SLC5A6: variants seen among roughly 807,000 people sequenced by gnomAD.
SLC5A6 encodes solute carrier family 5 member 6.
A neutral mutation model predicts 67.9 loss-of-function variants in SLC5A6; 31 were observed. The ratio of observed to expected loss-of-function variants is 0.46; its 90% CI spans 0.34 to 0.62. The LOEUF is 0.62. Among genes scored for constraint, SLC5A6 ranks in the 20% least tolerant of loss-of-function variants. SLC5A6 has a pLI of 0.01. For synonymous variants in SLC5A6, 343 were observed against 331.0 expected (o/e 1.04, Z -0.39); for missense variants, 673 against 812.8 (o/e 0.83, Z 2.09).
intron 13 of SLC5A6, 67 bp downstream of exon 13, chr2:27,201,921 T>C (rs1395664855): frequency 6.2e-7 from 1 of 1,605,356 alleles, no homozygotes; most frequent in African/African-American, 1.3e-5. Flanking sequence ...GCTCTCCTGG[T>C]GACAGCCCTG....
At chr2:27,203,383 A>G (rs1673797966) in intron 10 of SLC5A6, 38 bp from the exon 11 acceptor site, 1 of 1,587,220 alleles carries the variant, frequency 6.3e-7, no homozygotes, top group Non-Finnish European at 8.6e-7. Context: ...TGAGCGAGGC[A>G]AAATTGTCAG....
chr2:27,203,089 C>A, intron 11 of SLC5A6, 144 bp downstream of exon 11: 1 of 1,502,526 alleles, frequency 6.7e-7, no homozygotes. Context: ...ATGGAAACAA[C>A]CATGCATGCA....
At chr2:27,205,902 A>C in intron 6 of SLC5A6, 124 bp downstream of exon 6, 1 of 738,506 alleles carries the variant, frequency 1.4e-6, no homozygotes, top group Non-Finnish European at 2.3e-6. Flanking sequence ...AAATCTTACC[A>C]CCCCAGAATT....
intron 6 of SLC5A6, among the ~76,000 whole-genome samples, chr2:27,205,790 G>C (rs1200849824): frequency 6.6e-6 from 1 of 152,118 alleles, no homozygotes; most frequent in Non-Finnish European, 1.5e-5. Context: ...CCAGTGAGGG[G>C]ACTCTCCTGC....
intron 2 of SLC5A6, among the ~76,000 whole-genome samples, chr2:27,210,472 C>G (rs1674394453): frequency 6.6e-6 from 1 of 150,602 alleles, no homozygotes; most frequent in South Asian, 2.2e-4. Context: ...GCTCTGTCGC[C>G]CAGGCTGGAG....
At chr2:27,204,070 G>A (rs1206070137) in intron 9 of SLC5A6, among the ~76,000 whole-genome samples, 1 of 152,178 alleles carries the variant, frequency 6.6e-6, no homozygotes, top group Non-Finnish European at 1.5e-5. Flanking sequence ...CAGAGGGAAT[G>A]ACACAATTCG....
intron 5 of SLC5A6, 128 bp from the exon 6 acceptor site, chr2:27,206,221 C>T: frequency 1.2e-6 from 1 of 839,024 alleles, no homozygotes; most frequent in Non-Finnish European, 2.0e-6. Context: ...AATCATTCAC[C>T]ACAACGGAGA....
At chr2:27,204,986 G>A (rs1673946914) in intron 7 of SLC5A6, 55 bp from the exon 8 acceptor site, 9 of 1,598,484 alleles carry the variant, frequency 5.6e-6, no homozygotes, top group African/African-American at 4.0e-5. Flanking sequence ...CAGCCTTCCT[G>A]CCCTCTTGGC....
chr2:27,204,472 C>T lies in SLC5A6; in HGVS notation c.994G>A (p.Ala332Thr), dbSNP rs1222033770. 1 of 1,612,942 alleles carries T rather than the reference C, an allele frequency of 6.2e-7. No individual in the cohort carries two copies. The highest frequency in any genetic ancestry group is 2.2e-5 in the East Asian group (1 of 44,894). ...CAGCGCCTTCTCACCTGGTCTGGGG[C>T]TGCCTGAGCCTGCTGAATGCTCATG... Reference protein sequence around the residue: ...YPMSIQQAQAAPDQFVLYFVM... With the variant: ...YPMSIQQAQATPDQFVLYFVM... The change falls in exon 9 of 17, where the codon GCC becomes ACC. Residue 332 changes from alanine (A) to threonine (T), a missense_variant. Coordinates refer to ENST00000310574, the MANE Select transcript of SLC5A6 (RefSeq NM_021095.4).
rs774682326 is a variant in SLC5A6 at position 27,207,598 on chromosome 2, C to G, written c.53G>C (p.Ser18Thr). 1 of 1,614,244 alleles carries G rather than the reference C, an allele frequency of 6.2e-7. No individual in the cohort carries two copies. The highest frequency in any genetic ancestry group is 1.7e-5 in the Admixed American group (1 of 60,036). Residue 18 changes from serine to threonine, a missense_variant, in exon 3 of 17, where the codon AGC becomes ACC. Transcript: ENST00000310574. This position sits in a 1 kb window ranked among gnomAD's most constrained non-coding sequence, Gnocchi z 5.5. ...SAPLSPTSGT[S>T]VGMSTFSIMD... The stretch of plus-strand genomic sequence containing the variant: ...GATGGAGAAGGTAGACATGCCCACG[C>G]TTGTGCCCGAGGTTGGGGAAAGAGG...
chr2:27,212,422 C>G, upstream of SLC5A6: 1 of 1,555,924 alleles, frequency 6.4e-7, no homozygotes, highest in South Asian at 1.2e-5. Flanking sequence ...GGGCTGCCGC[C>G]CTGCTCCTCG....
intron 1 of SLC5A6, 38 bp downstream of exon 1, chr2:27,211,982 C>CCCCCTGCCCGT: frequency 1.7e-6 from 1 of 581,946 alleles, no homozygotes; most frequent in Non-Finnish European, 2.8e-6. Context: ...CCCCTGCCCG[C>CCCCCTGCCCGT]CCCCTGCCCG....
At position 27,204,878 on chromosome 2, in the gene SLC5A6, C is replaced by A. The variant is rs762460239; in HGVS notation, c.788G>T (p.Gly263Val). ...RHTFWTLAFG[G>V]VFMMLSLYGV... is the part of the protein sequence containing the mutation. The stretch of plus-strand genomic sequence containing the variant: ...GTATAAGGAGAGCATCATGAAGACA[C>A]CCCCGAAGGCCAAGGTCCAGAAGGT... Residue 263 changes from glycine (G) to valine (V), a missense_variant, in exon 8 of 17, where the codon GGT becomes GTT. Physicochemically the swap from Gly to Val is moderately radical, Grantham distance 109. Coordinates refer to ENST00000310574, the MANE Select transcript of SLC5A6 (RefSeq NM_021095.4). 5 of 1,613,964 alleles carry A rather than the reference C, an allele frequency of 3.1e-6. No homozygotes were observed. The African/African-American group carries it at 5.3e-5, about 17-fold the overall frequency.
At chr2:27,200,849 G>C (rs2147985838) in intron 16 of SLC5A6, 149 bp downstream of exon 16, 1 of 635,366 alleles carries the variant, frequency 1.6e-6, no homozygotes, top group East Asian at 2.7e-5. Context: ...GGTAGAACCT[G>C]AGACAGCCGT....
intron 11 of SLC5A6, 163 bp from the exon 12 acceptor site, chr2:27,203,043 A>G (rs1245188533): frequency 6.7e-7 from 1 of 1,495,350 alleles, no homozygotes; most frequent in Non-Finnish European, 8.9e-7. Context: ...CCTCACTCCT[A>G]TGTGACTCAG....
Position 27,207,194 on chromosome 2 carries a change from T to G in SLC5A6, c.393+64A>C. The G allele has an allele frequency of 6.4e-7, 1 of 1,556,812 alleles. No individual in the cohort carries two copies. The highest frequency in any genetic ancestry group is 1.4e-5 in the African/African-American group (1 of 74,020). On this transcript the variant is annotated intron_variant, in intron 3 of 16. Coordinates refer to ENST00000310574, the MANE Select transcript of SLC5A6 (RefSeq NM_021095.4). The surrounding 1 kb of genome is among the most constrained non-coding windows in gnomAD (Gnocchi z 5.5). ...TCTAGGGTCCCAGGTCCTTCCTATG[T>G]GCCTGTCCCTCCTCTCCACCCCAAC...
In SLC5A6 at chr2:27,207,397, A is replaced by G. The variant is rs1356205181; in HGVS notation, c.254T>C (p.Ile85Thr). ...LLATFQSAVA[I>T]LGVPSEIYRF... ...GTAGATCTCTGACGGCACACCCAGG[A>G]TGGCCACGGCTGACTGGAAGGTGGC... Residue 85 changes from isoleucine to threonine, a missense_variant, in exon 3 of 17, where the codon ATC (isoleucine) becomes ACC (threonine). Transcript: ENST00000310574. The surrounding 1 kb of genome is among the most constrained non-coding windows in gnomAD (Gnocchi z 5.5). The G allele has an allele frequency of 6.2e-7, 1 of 1,614,154 alleles. No individual in the cohort carries two copies. The highest frequency in any genetic ancestry group is 1.7e-5 in the Admixed American group (1 of 60,026).
chr2:27,212,035 G>T lies in SLC5A6; in HGVS notation c.-223C>A, dbSNP rs989664603. ...CCATGTTTACTGAGGGCGGATGGAG[G>T]GGCCCGAGTTTCTGCGAAGCCGCGA... is the stretch of plus-strand genomic sequence containing the variant. On this transcript the variant is annotated 5_prime_UTR_variant, in exon 1 of 17. Transcript: ENST00000310574. 2 of 849,912 alleles carry T rather than the reference G, an allele frequency of 2.4e-6. No individual in the cohort carries two copies. The highest frequency in any genetic ancestry group is 3.7e-5 in the African/African-American group (2 of 54,452). The allele number at this position is 849,912 out of a possible 1,614,324, so 52.6% of individuals were successfully genotyped here.
At position 27,207,442 on chromosome 2, in the gene SLC5A6, G is replaced by A. The variant is rs752696770; in HGVS notation, c.209C>T (p.Pro70Leu). The A allele has an allele frequency of 7.4e-6, 12 of 1,614,186 alleles. No homozygotes were observed. The highest frequency in any genetic ancestry group is 3.3e-5 in the South Asian group (3 of 91,088). Reference protein sequence around the residue: ...LMADRKMGCLPVALSLLATFQ... With the variant: ...LMADRKMGCLLVALSLLATFQ... ...GGTGGCCAGCAGGGACAGTGCCACC[G>A]GAAGGCAGCCCATTTTGCGGTCCGC... Residue 70 changes from proline to leucine, a missense_variant, in exon 3 of 17, where the codon CCG becomes CTG. Transcript: ENST00000310574. This position sits in a 1 kb window ranked among gnomAD's most constrained non-coding sequence, Gnocchi z 5.5.
Sources: allele counts gnomAD v4.1 joint callset (sites outside exome capture counted in the v4.1 genomes callset), GRCh38; gene constraint gnomAD v4.1.1; non-coding constraint Gnocchi (gnomAD v3.1); transcripts MANE v1.5; gene names NCBI Gene and HGNC (gene_info 2026-07-23, HGNC 2026-07-21).